The following TIGAR variants were observed in gnomAD, a reference collection of about 807,000 sequenced individuals.
The protein encoded by TIGAR is fructose-2,6-bisphosphatase TIGAR.
TIGAR carries 7 observed loss-of-function variants against 17.9 expected under a neutral mutation model. The ratio of observed to expected loss-of-function variants is 0.39; its 90% CI spans 0.22 to 0.73. The LOEUF is 0.73. Ranked by LOEUF, TIGAR falls within the 30% of genes least tolerant of loss-of-function variation. TIGAR has a pLI of 0.42. For missense variants in TIGAR, 258 were observed against 327.4 expected, an observed-to-expected ratio of 0.79 and a Z score of 1.64; for synonymous variants, 94 against 108.6, an observed-to-expected ratio of 0.87 and a Z score of 0.84.
intron 3 of TIGAR, among the ~76,000 whole-genome samples, chr12:4,341,882 C>T (rs768732869): frequency 6.6e-5 from 10 of 152,186 alleles, no homozygotes; most frequent in African/African-American, 7.2e-5. Context: ...CAAAGCTGGA[C>T]GGAGAATGAC....
rs1477786247 is a variant in TIGAR at position 4,321,315 on chromosome 12, T to G, written c.32+12T>G. 1 of 1,600,876 alleles carries G rather than the reference T, an allele frequency of 6.2e-7. No individual in the cohort carries two copies. Among genetic ancestry groups the G allele is most frequent in the South Asian group, 1.1e-5 (1 of 91,082 alleles). ...ACTGTTGTCCGGCAGTGAGTATGGC[T>G]GTGGCAGGATGTCTTTCTCTCTCTC... On this transcript the variant is annotated intron_variant, in intron 1 of 5. Coordinates refer to ENST00000179259, the MANE Select transcript of TIGAR (RefSeq NM_020375.3). This position sits in a 1 kb window ranked among gnomAD's most constrained non-coding sequence, Gnocchi z 5.2.
At chr12:4,323,134 T>C (rs939448300) in intron 1 of TIGAR, among the ~76,000 whole-genome samples, 1 of 140,414 alleles carries the variant, frequency 7.1e-6, no homozygotes, top group African/African-American at 2.6e-5. Context: ...GCTGTGGTGG[T>C]GCATGCCTGT....
chr12:4,324,323 C>CTTTTT, intron 1 of TIGAR: 98 of 627,306 alleles, frequency 1.6e-4, no homozygotes, highest in South Asian at 5.3e-4. Context: ...ATTTAACTTC[C>CTTTTT]TTTTTTTTTT....
Position 4,349,861 on chromosome 12 carries a change from A to T in TIGAR, c.235A>T (p.Met79Leu). The change falls in exon 4 of 6, where the codon ATG (methionine) becomes TTG (leucine). Residue 79 changes from methionine to leucine, a missense_variant. Met to Leu is a conservative substitution (Grantham distance 15). Coordinates refer to ENST00000179259, the MANE Select transcript of TIGAR (RefSeq NM_020375.3). Reference protein sequence around the residue: ...ILERSKFCKDMTVKYDSRLRE... With the variant: ...ILERSKFCKDLTVKYDSRLRE... ...GGAGAGAAGCAAATTTTGCAAAGAT[A>T]TGACGGTAAAGTATGACTCAAGACT... 1.3e-6 allele frequency: 2 copies of T among 1,581,230 alleles called. No homozygotes were observed. The highest frequency in any genetic ancestry group is 8.6e-7 in the Non-Finnish European group (1 of 1,168,388).
At chr12:4,338,975 C>CAAAAAA (rs199840929) in intron 3 of TIGAR, among the ~76,000 whole-genome samples, 14 of 38,174 alleles carry the variant, frequency 3.7e-4, no homozygotes, top group South Asian at 1.4e-3. Flanking sequence ...AACTTTGTCT[C>CAAAAAA]ACAAAAAAAA....
intron 3 of TIGAR, among the ~76,000 whole-genome samples, chr12:4,347,054 T>G (rs1004072035): frequency 2.0e-5 from 3 of 152,200 alleles, no homozygotes; most frequent in Non-Finnish European, 2.9e-5. Context: ...CTGCTAGGTA[T>G]GTACCCAAAG....
chr12:4,333,409 A>C, intron 2 of TIGAR, among the ~76,000 whole-genome samples: 1 of 144,164 alleles, frequency 6.9e-6, no homozygotes, highest in African/African-American at 2.6e-5. Flanking sequence ...CCTGCCCGAG[A>C]CTCCCGAGTA....
rs1182276275 is a variant in TIGAR at position 4,356,065 on chromosome 12, A to T, written c.*3374A>T. 6.6e-6 allele frequency among the ~76,000 whole-genome samples: 1 copy of T among 152,164 alleles called. No individual in the cohort carries two copies. Among genetic ancestry groups the T allele is most frequent in the Non-Finnish European group, 1.5e-5 (1 of 68,030 alleles). ...ATGCCATTGGCCAGTTTGGGCAGTG[A>T]TGTGATCAGACTTGTTTCAGCAGGA... is the stretch of plus-strand genomic sequence containing the variant. On this transcript the variant is annotated 3_prime_UTR_variant, in exon 6 of 6. Coordinates refer to ENST00000179259, the MANE Select transcript of TIGAR (RefSeq NM_020375.3).
At chr12:4,336,856 GC>G (rs1864664985) in intron 2 of TIGAR, among the ~76,000 whole-genome samples, 182 bp from the exon 3 acceptor site, 1 of 152,166 alleles carries the variant, frequency 6.6e-6, no homozygotes, top group African/African-American at 2.4e-5. Flanking sequence ...GAATACCTGA[GC>G]CTTTAAAGAC....
intron 5 of TIGAR, 68 bp downstream of exon 5, chr12:4,351,445 C>A: frequency 2.2e-6 from 3 of 1,339,776 alleles, no homozygotes; most frequent in Non-Finnish European, 3.2e-6. Context: ...GGAATTTTAG[C>A]TAAGCAGTTT....
At chr12:4,350,650 G>A (rs769167040) in intron 4 of TIGAR, among the ~76,000 whole-genome samples, 2 of 152,008 alleles carry the variant, frequency 1.3e-5, no homozygotes, top group African/African-American at 2.4e-5. Context: ...GGTGGCACGC[G>A]CCTGTAGTCC....
intron 1 of TIGAR, among the ~76,000 whole-genome samples, chr12:4,323,050 G>A (rs113032231): frequency 2.0e-5 from 3 of 149,930 alleles, no homozygotes; most frequent in Non-Finnish European, 2.9e-5. Flanking sequence ...TGGATCCCTT[G>A]AGCACAGGAG....
chr12:4,328,578 ATTT>A (rs1383839257), intron 1 of TIGAR, among the ~76,000 whole-genome samples: 3 of 137,126 alleles, frequency 2.2e-5, no homozygotes, highest in Admixed American at 7.4e-5. Context: ...AGTTCCATGT[ATTT>A]TTTTTTTTTT....
In TIGAR at chr12:4,321,276, C is replaced by T; in HGVS notation, c.5C>T (p.Ala2Val). 3 of 1,601,194 alleles carry T rather than the reference C, an allele frequency of 1.9e-6. No homozygotes were observed. Among genetic ancestry groups the T allele is most frequent in the Non-Finnish European group, 2.5e-6 (3 of 1,179,814 alleles). Residue 2 changes from alanine (A) to valine (V), a missense_variant, in exon 1 of 6, where the codon GCT (alanine) becomes GTT (valine). Ala to Val is a moderately conservative substitution (Grantham distance 64, BLOSUM62 0). Transcript: ENST00000179259. The surrounding 1 kb of genome is among the most constrained non-coding windows in gnomAD (Gnocchi z 5.2). M[A>V]RFALTVVRHG... ...ACGGGACGCGGCTCCGGGAACATGGCTCGCTTCGCTCTGACTGTTGTCCGG... is the reference window on the plus strand; with the variant it reads ...ACGGGACGCGGCTCCGGGAACATGGTTCGCTTCGCTCTGACTGTTGTCCGG...
rs754936590 is a variant in TIGAR, at chr12:4,321,241, G to T, written c.-31G>T. On this transcript the variant is annotated 5_prime_UTR_variant, in exon 1 of 6. Transcript: ENST00000179259. This position sits in a 1 kb window ranked among gnomAD's most constrained non-coding sequence, Gnocchi z 5.2. Reference sequence around the variant, plus strand: ...CCGCAGTGCAGGGGCAGCGCGGCGCGGGGCCACCGACGGGACGCGGCTCCG... The same window carrying T: ...CCGCAGTGCAGGGGCAGCGCGGCGCTGGGCCACCGACGGGACGCGGCTCCG... 2.4e-5 allele frequency: 38 copies of T among 1,599,532 alleles called. No homozygotes were observed. Among genetic ancestry groups the T allele is most frequent in the East Asian group, 1.1e-4 (5 of 44,854 alleles).
intron 3 of TIGAR, among the ~76,000 whole-genome samples, chr12:4,345,629 C>G (rs950743762): frequency 1.3e-5 from 2 of 152,074 alleles, no homozygotes; most frequent in Non-Finnish European, 2.9e-5. Context: ...TAAAGACTTA[C>G]ATGTTAGACC....
At chr12:4,347,555 G>A (rs900837892) in intron 3 of TIGAR, among the ~76,000 whole-genome samples, 1 of 152,132 alleles carries the variant, frequency 6.6e-6, no homozygotes, top group African/African-American at 2.4e-5. Context: ...GATATAATTG[G>A]ATCATTCGTA....
chr12:4,324,306 A>C (rs1332331476), intron 1 of TIGAR: 1 of 699,784 alleles, frequency 1.4e-6, no homozygotes, highest in Non-Finnish European at 2.5e-6. Flanking sequence ...CCCCGGCAAA[A>C]CCATCCATTT....
intron 1 of TIGAR, among the ~76,000 whole-genome samples, chr12:4,328,813 G>A (rs1415435420): frequency 6.6e-6 from 1 of 152,006 alleles, no homozygotes; most frequent in Non-Finnish European, 1.5e-5. Flanking sequence ...CTGACCTCGT[G>A]ATCTGCCCAC....
Sources: allele counts gnomAD v4.1 joint callset (sites outside exome capture counted in the v4.1 genomes callset), GRCh38; gene constraint gnomAD v4.1.1; non-coding constraint Gnocchi (gnomAD v3.1); transcripts MANE v1.5; gene names NCBI Gene and HGNC (gene_info 2026-07-23, HGNC 2026-07-21).